PCDHGA2: variants seen among roughly 807,000 people sequenced by gnomAD.
PCDHGA2 encodes the protein protocadherin gamma-A2.
PCDHGA2 carries 40 observed loss-of-function variants against 59.2 expected under a neutral mutation model. The observed-to-expected ratio is 0.68, with a 90% CI of 0.52 to 0.88. The LOEUF is 0.88. Among genes scored for constraint, PCDHGA2 ranks in the 40% least tolerant of loss-of-function variants. PCDHGA2 has a pLI of 0.00. For missense variants in PCDHGA2, 1,226 were observed against 1,204.0 expected (o/e 1.02, Z -0.27); for synonymous variants, 560 against 526.0 (o/e 1.06, Z -0.89).
At chr5:141,427,146 AAT>A (rs1561826638) in intron 1 of PCDHGA2, 1 of 456,990 alleles carries the variant, frequency 2.2e-6, no homozygotes, top group Non-Finnish European at 4.4e-6. Context: ...TGATATTGGA[AAT>A]ATGTTTGTGC....
intron 1 of PCDHGA2, among the ~76,000 whole-genome samples, chr5:141,448,016 G>A (rs903673535): frequency 6.6e-6 from 1 of 152,006 alleles, no homozygotes; most frequent in South Asian, 2.1e-4. Context: ...AACCCAGGAG[G>A]TGGAGGTTGC....
chr5:141,390,366 A>G, intron 1 of PCDHGA2: 1 of 1,524,656 alleles, frequency 6.6e-7, no homozygotes, highest in Non-Finnish European at 8.9e-7. Flanking sequence ...TTGCAGGAAA[A>G]TATATAATTT....
At chr5:141,401,016 A>G (rs910501602) in intron 1 of PCDHGA2, among the ~76,000 whole-genome samples, 2 of 152,182 alleles carry the variant, frequency 1.3e-5, no homozygotes, top group Admixed American at 6.5e-5. Context: ...TAATGGATTT[A>G]TGATTTTTTG....
intron 1 of PCDHGA2, chr5:141,352,325 G>C: frequency 6.2e-7 from 1 of 1,614,080 alleles, no homozygotes; most frequent in Non-Finnish European, 8.5e-7. Context: ...GTTTTACCTG[G>C]TTGTGGCCTT....
intron 1 of PCDHGA2, chr5:141,418,608 G>A (rs1265400499): frequency 6.2e-7 from 1 of 1,614,040 alleles, no homozygotes; most frequent in Admixed American, 1.7e-5. Flanking sequence ...TACAGGGTTA[G>A]CCTTCGGGAA....
Position 141,485,768 on chromosome 5 carries a change from C to A in PCDHGA2, c.2425-9039C>A, listed in dbSNP as rs759191157. 3.7e-6 allele frequency: 6 copies of A among 1,614,192 alleles called. No individual in the cohort carries two copies. Among genetic ancestry groups the A allele is most frequent in the Middle Eastern group, 1.6e-4 (1 of 6,062 alleles). On this transcript the variant is annotated intron_variant, in intron 1 of 3. Coordinates refer to ENST00000394576, the MANE Select transcript of PCDHGA2 (RefSeq NM_018915.4). The surrounding 1 kb of genome is among the most constrained non-coding windows in gnomAD (Gnocchi z 5.7). ...GGTCCCAGAGCTGCTCCTGGAGAAG[C>A]CTTTGGATCGAGAGAAGCAATCGGA...
At position 141,432,232 on chromosome 5, in the gene PCDHGA2, G is replaced by A. The variant is rs766929605; in HGVS notation, c.2425-62575G>A. Reference sequence around the variant, plus strand: ...AGAACGCCCAGATCACTTATTCCCTGGCTGAGAACACCATCCAAGGGGCAA... The same window carrying A: ...AGAACGCCCAGATCACTTATTCCCTAGCTGAGAACACCATCCAAGGGGCAA... On this transcript the variant is annotated intron_variant, in intron 1 of 3. Coordinates refer to ENST00000394576, the MANE Select transcript of PCDHGA2 (RefSeq NM_018915.4). The surrounding 1 kb of genome is among the most constrained non-coding windows in gnomAD (Gnocchi z 6.0). The A allele has an allele frequency of 6.2e-7, 1 of 1,614,188 alleles. No homozygotes were observed. The highest frequency in any genetic ancestry group is 1.6e-4 in the Middle Eastern group (1 of 6,062).
intron 1 of PCDHGA2, chr5:141,433,307 C>T (rs982853368): frequency 2.2e-6 from 2 of 913,640 alleles, no homozygotes; most frequent in Admixed American, 2.7e-5. Context: ...AATTATCCCA[C>T]CTTTGCCTCC....
Position 141,491,935 on chromosome 5 carries a change from C to A in PCDHGA2, c.2425-2872C>A. 1 of 1,205,518 alleles carries A rather than the reference C, an allele frequency of 8.3e-7. No homozygotes were observed. Among genetic ancestry groups the A allele is most frequent in the South Asian group, 1.7e-5 (1 of 59,176 alleles). 74.7% of individuals were successfully genotyped at this position (1,205,518 alleles called of 1,614,324 possible). On this transcript the variant is annotated intron_variant, in intron 1 of 3. Transcript: ENST00000394576. The surrounding 1 kb of genome is among the most constrained non-coding windows in gnomAD (Gnocchi z 6.9). ...GACTGTGGGCGAGGGGAGGTGGGACCGACCCCCACCCCTACACTCAAAAAA... is the reference window on the plus strand; with the variant it reads ...GACTGTGGGCGAGGGGAGGTGGGACAGACCCCCACCCCTACACTCAAAAAA...
At chr5:141,417,781 G>C in intron 1 of PCDHGA2, 1 of 1,473,574 alleles carries the variant, frequency 6.8e-7, no homozygotes. Flanking sequence ...CCTGTCCTGG[G>C]CCGAATGCTC....
At chr5:141,413,244 C>T in intron 1 of PCDHGA2, 3 of 1,613,984 alleles carry the variant, frequency 1.9e-6, no homozygotes, top group Non-Finnish European at 2.5e-6. Flanking sequence ...TCTGCCTTTT[C>T]TTCGGGATTC....
Position 141,485,626 on chromosome 5 carries a change from T to A in PCDHGA2, c.2425-9181T>A, listed in dbSNP as rs2099616815. 6.2e-7 allele frequency: 1 copy of A among 1,611,740 alleles called. No individual in the cohort carries two copies. On this transcript the variant is annotated intron_variant, in intron 1 of 3. Coordinates refer to ENST00000394576, the MANE Select transcript of PCDHGA2 (RefSeq NM_018915.4). This position sits in a 1 kb window ranked among gnomAD's most constrained non-coding sequence, Gnocchi z 5.7. Reference sequence around the variant, plus strand: ...GGGAGGCAGCTCCTCCAGGACAGCGTTTCCCGTTGGAAAAGGCTCAGGATG... The same window carrying A: ...GGGAGGCAGCTCCTCCAGGACAGCGATTCCCGTTGGAAAAGGCTCAGGATG...
chr5:141,384,366 T>C (rs573164893), intron 1 of PCDHGA2: 2 of 1,613,896 alleles, frequency 1.2e-6, no homozygotes, highest in Middle Eastern at 1.6e-4. Flanking sequence ...AGATCACTTA[T>C]TCCTTGGCCG....
At chr5:141,374,085 TG>T (rs1282444417) in intron 1 of PCDHGA2, 2 of 1,528,732 alleles carry the variant, frequency 1.3e-6, no homozygotes, top group Non-Finnish European at 1.8e-6. Flanking sequence ...AAGCCAGTAA[TG>T]GCGCCTCCGC....
At chr5:141,410,008 C>A (rs2095347582) in intron 1 of PCDHGA2, 1 of 1,613,220 alleles carries the variant, frequency 6.2e-7, no homozygotes, top group Non-Finnish European at 8.5e-7. Flanking sequence ...GACACAACGC[C>A]TGGCTGTCCT....
chr5:141,356,270 A>G lies in PCDHGA2; in HGVS notation c.2424+14875A>G, dbSNP rs751472146. On this transcript the variant is annotated intron_variant, in intron 1 of 3. Transcript: ENST00000394576. ...GTTACATCTCTCACCAGCTCAGTCC[A>G]GGAATCTTCTTCCCCGGGTACAGTA... is the stretch of plus-strand genomic sequence containing the variant. 3.8e-6 allele frequency: 6 copies of G among 1,562,512 alleles called. No homozygotes were observed. In the South Asian group the frequency reaches 4.7e-5, roughly 12 times the overall value.
chr5:141,363,711 G>A (rs1340350758), intron 1 of PCDHGA2, among the ~76,000 whole-genome samples: 1 of 152,188 alleles, frequency 6.6e-6, no homozygotes, highest in Non-Finnish European at 1.5e-5. Context: ...GGCCTGTTTG[G>A]AAAGGTGCAT....
chr5:141,388,404 C>T, intron 1 of PCDHGA2: 1 of 1,613,952 alleles, frequency 6.2e-7, no homozygotes, highest in Non-Finnish European at 8.5e-7. Context: ...CCAACTCAGT[C>T]CCAGTGATCA....
intron 1 of PCDHGA2, chr5:141,390,071 C>G (rs1322880756): frequency 1.2e-6 from 2 of 1,614,084 alleles, no homozygotes; most frequent in Non-Finnish European, 1.7e-6. Flanking sequence ...AGCCTGGTCT[C>G]TGTGTTAAAT....
Sources: gnomAD v4.1 joint callset for allele counts (sites outside exome capture counted in the v4.1 genomes callset) on GRCh38, gnomAD v4.1.1 for gene constraint, Gnocchi (gnomAD v3.1) non-coding constraint, MANE v1.5 for transcripts, NCBI Gene and HGNC (gene_info 2026-07-23, HGNC 2026-07-21) for gene names.